MRPS14: variants seen among roughly 807,000 people sequenced by gnomAD.
MRPS14 encodes small ribosomal subunit protein uS14m.
Under a neutral mutation model 16.4 loss-of-function variants are expected in MRPS14, and 14 were observed. The observed-to-expected ratio is 0.85, with a 90% CI of 0.56 to 1.33. The LOEUF is 1.33. MRPS14 is among the 40% of genes most tolerant of loss of function. The probability of loss-of-function intolerance (pLI) is 0.00; values close to 1 mark genes in which losing one functional copy is unlikely to be tolerated. For synonymous variants in MRPS14, 54 were observed against 61.9 expected, an observed-to-expected ratio of 0.87 and a Z score of 0.60; for missense variants, 162 against 176.8, an observed-to-expected ratio of 0.92 and a Z score of 0.48.
intron 1 of MRPS14, among the ~76,000 whole-genome samples, chr1:175,021,084 T>C (rs1672971252): frequency 6.6e-6 from 1 of 152,222 alleles, no homozygotes; most frequent in Admixed American, 6.5e-5. Flanking sequence ...TCCTTTTTCT[T>C]CCATAACTGG....
chr1:175,015,520 C>G (rs1672865519), intron 2 of MRPS14, among the ~76,000 whole-genome samples: 1 of 151,880 alleles, frequency 6.6e-6, no homozygotes. Flanking sequence ...GCCCTGATGT[C>G]TATGGTAAAG....
At chr1:175,018,623 T>C in intron 1 of MRPS14, 47 bp from the exon 2 acceptor site, 1 of 1,505,396 alleles carries the variant, frequency 6.6e-7, no homozygotes, top group Non-Finnish European at 8.9e-7. Flanking sequence ...CAGGACAACA[T>C]TCTGAGTGTT....
intron 2 of MRPS14, among the ~76,000 whole-genome samples, chr1:175,015,512 C>A (rs1241623217): frequency 1.3e-5 from 2 of 151,870 alleles, no homozygotes; most frequent in African/African-American, 4.8e-5. Flanking sequence ...CACATGGAGC[C>A]CTGATGTCTA....
At position 175,014,558 on chromosome 1, in the gene MRPS14, A is replaced by G. The variant is rs1672844313; in HGVS notation, c.*111T>C. 9.0e-7 allele frequency: 1 copy of G among 1,108,152 alleles called. No homozygotes were observed. Among genetic ancestry groups the G allele is most frequent in the Admixed American group, 2.9e-5 (1 of 34,328 alleles). The allele number at this position is 1,108,152 out of a possible 1,614,324, so 68.6% of individuals were successfully genotyped here. ...AGAGATAGCATCAGGTAGGCCAAAC[A>G]ACTGTACTGGGCCCCTGTAGAGATT... On this transcript the variant is annotated 3_prime_UTR_variant, in exon 3 of 3. Coordinates refer to ENST00000476371, the MANE Select transcript of MRPS14 (RefSeq NM_022100.3).
chr1:175,019,358 T>A (rs1441820323), intron 1 of MRPS14, among the ~76,000 whole-genome samples: 1 of 152,222 alleles, frequency 6.6e-6, no homozygotes. Context: ...CTTGGCTCAC[T>A]GCAACCTATA....
In MRPS14 at chr1:175,013,198, T is replaced by C. The variant is rs959611250; in HGVS notation, c.*1471A>G. The C allele has an allele frequency of 4.6e-5, 7 of 152,198 alleles. No individual in the cohort carries two copies. The highest frequency in any genetic ancestry group is 7.2e-5 in the African/African-American group (3 of 41,450). 9.4% of individuals were successfully genotyped at this position (152,198 alleles called of 1,614,324 possible). On this transcript the variant is annotated 3_prime_UTR_variant, in exon 3 of 3. Transcript: ENST00000476371. ...TAGATTGTGATAATTCCCTCATAAC[T>C]TCACCTCCACCTGAGTTTCGGACTC... is the stretch of plus-strand genomic sequence containing the variant.
intron 1 of MRPS14, among the ~76,000 whole-genome samples, chr1:175,021,351 CA>C: frequency 6.6e-6 from 1 of 152,336 alleles, no homozygotes; most frequent in East Asian, 1.9e-4. Context: ...CATGAAATTA[CA>C]CCCTGATCAC....
At position 175,014,850 on chromosome 1, in the gene MRPS14, T is replaced by C; in HGVS notation, c.206A>G (p.Asp69Gly). 6.2e-7 allele frequency: 1 copy of C among 1,613,676 alleles called. No individual in the cohort carries two copies. Among genetic ancestry groups the C allele is most frequent in the Non-Finnish European group, 8.5e-7 (1 of 1,179,878 alleles). The change falls in exon 3 of 3, where the codon GAT becomes GGT. Residue 69 changes from aspartate to glycine, a missense_variant and splice_region_variant. Coordinates refer to ENST00000476371, the MANE Select transcript of MRPS14 (RefSeq NM_022100.3). ...GGCAGCAATTTCTTCATCAGCCACATCCTAAGGGAAATCACATTATTACAC... is the reference window on the plus strand; with the variant it reads ...GGCAGCAATTTCTTCATCAGCCACACCCTAAGGGAAATCACATTATTACAC... ...KNTILPKILQDVADEEIAALP... is the reference protein window; with the variant it reads ...KNTILPKILQGVADEEIAALP...
At chr1:175,015,443 T>C (rs774862983) in intron 2 of MRPS14, among the ~76,000 whole-genome samples, 8 of 152,114 alleles carry the variant, frequency 5.3e-5, no homozygotes, top group Non-Finnish European at 7.3e-5. Flanking sequence ...TCTGGAATGA[T>C]GATCAAATAG....
chr1:175,021,780 A>G (rs1672982765), intron 1 of MRPS14, among the ~76,000 whole-genome samples: 1 of 152,132 alleles, frequency 6.6e-6, no homozygotes, highest in African/African-American at 2.4e-5. Context: ...TCTCCCCTTA[A>G]ATCTCTGACA....
intron 1 of MRPS14, among the ~76,000 whole-genome samples, chr1:175,020,666 A>T (rs1404475576): frequency 1.3e-5 from 2 of 151,982 alleles, no homozygotes; most frequent in Non-Finnish European, 2.9e-5. Context: ...GTGCCACAAC[A>T]CCCGGCTAAT....
intron 2 of MRPS14, among the ~76,000 whole-genome samples, chr1:175,015,130 G>T (rs1672857499): frequency 6.6e-6 from 1 of 151,808 alleles, no homozygotes; most frequent in Admixed American, 6.6e-5. Context: ...TGTATTATTA[G>T]TAGAAACGGG....
intron 2 of MRPS14, among the ~76,000 whole-genome samples, chr1:175,018,135 A>C (rs932215149): frequency 1.3e-5 from 2 of 152,106 alleles, no homozygotes; most frequent in Non-Finnish European, 2.9e-5. Context: ...AAAAAAAAAA[A>C]ATTGGGATGA....
At chr1:175,021,087 A>G (rs1398996258) in intron 1 of MRPS14, among the ~76,000 whole-genome samples, 3 of 152,086 alleles carry the variant, frequency 2.0e-5, no homozygotes, top group Non-Finnish European at 4.4e-5. Flanking sequence ...TTTTTCTTCC[A>G]TAACTGGGCC....
chr1:175,020,511 T>C (rs1373686170), intron 1 of MRPS14, among the ~76,000 whole-genome samples: 2 of 152,226 alleles, frequency 1.3e-5, no homozygotes, highest in African/African-American at 4.8e-5. Context: ...ATATCCATTT[T>C]TTCCCCCTTT....
chr1:175,021,377 ACCTCTCCTTCAATGACTTTTGTC>A (rs1418184602), intron 1 of MRPS14, among the ~76,000 whole-genome samples: 1 of 151,840 alleles, frequency 6.6e-6, no homozygotes, highest in Non-Finnish European at 1.5e-5. Context: ...ATTTCTTAAC[ACCTCTCCTTCAATGACTTTTGTC>A]CTCCACTCTT....
At position 175,013,854 on chromosome 1, in the gene MRPS14, T is replaced by A. The variant is rs758206594; in HGVS notation, c.*815A>T. 6 of 152,198 alleles carry A rather than the reference T, an allele frequency of 3.9e-5. No individual in the cohort carries two copies. Among genetic ancestry groups the A allele is most frequent in the Non-Finnish European group, 8.8e-5 (6 of 68,042 alleles). 9.4% of individuals were successfully genotyped at this position (152,198 alleles called of 1,614,324 possible). A position where few individuals can be genotyped will look rare whatever the true frequency, so the allele number is the denominator to read the frequency against. On this transcript the variant is annotated 3_prime_UTR_variant, in exon 3 of 3. Transcript: ENST00000476371. ...GCAGAAAAAAATCTCACCCCTCACC[T>A]CCTGATTTATTAAGTTCTCCAGGAA...
At chr1:175,022,786 A>G (rs536517316) in intron 1 of MRPS14, among the ~76,000 whole-genome samples, 1 of 148,970 alleles carries the variant, frequency 6.7e-6, no homozygotes, top group South Asian at 2.1e-4. Flanking sequence ...TTAAAGGCTT[A>G]TCTATACTCC....
chr1:175,015,889 T>G (rs1236251237), intron 2 of MRPS14, among the ~76,000 whole-genome samples: 1 of 152,134 alleles, frequency 6.6e-6, no homozygotes, highest in Non-Finnish European at 1.5e-5. Context: ...CATTATGAAC[T>G]AACAGAATTA....
Sources: gnomAD v4.1 joint callset for allele counts (sites outside exome capture counted in the v4.1 genomes callset) on GRCh38, gnomAD v4.1.1 for gene constraint, MANE v1.5 for transcripts, NCBI Gene and HGNC (gene_info 2026-07-23, HGNC 2026-07-21) for gene names.